Variants in TBC1D2 observed in about 807,000 individuals in gnomAD.
TBC1D2 encodes the protein TBC1 domain family member 2A.
TBC1D2 carries 58 observed loss-of-function variants against 91.1 expected under a neutral mutation model. The ratio of observed to expected loss-of-function variants is 0.64; its 90% CI spans 0.52 to 0.79. The LOEUF is 0.79. Among genes scored for constraint, TBC1D2 ranks in the 30% least tolerant of loss-of-function variants. The pLI is 0.00. For missense variants in TBC1D2, 1,080 were observed against 1,208.3 expected, an observed-to-expected ratio of 0.89 and a Z score of 1.57; for synonymous variants, 482 against 511.5, an observed-to-expected ratio of 0.94 and a Z score of 0.78.
intron 10 of TBC1D2, among the ~76,000 whole-genome samples, chr9:98,202,565 A>G (rs1828536114): frequency 6.6e-6 from 1 of 152,196 alleles, no homozygotes; most frequent in African/African-American, 2.4e-5. Context: ...CCATTGACCT[A>G]CTGAAGGATT....
intron 10 of TBC1D2, among the ~76,000 whole-genome samples, chr9:98,202,228 C>A (rs568364154): frequency 6.6e-6 from 1 of 152,168 alleles, no homozygotes; most frequent in Non-Finnish European, 1.5e-5. Context: ...GTGCTCCTGG[C>A]GACACTGGCC....
At chr9:98,231,659 T>C (rs547127337) in intron 4 of TBC1D2, among the ~76,000 whole-genome samples, 3 of 152,240 alleles carry the variant, frequency 2.0e-5, no homozygotes, top group Non-Finnish European at 4.4e-5. Context: ...ATGGTGGATT[T>C]ATCTGCTTTA....
intron 3 of TBC1D2, among the ~76,000 whole-genome samples, chr9:98,239,061 T>C (rs1829576046): frequency 6.6e-6 from 1 of 151,778 alleles, no homozygotes; most frequent in Admixed American, 6.6e-5. Flanking sequence ...ATTTATTTAT[T>C]TATTACTATT....
intron 3 of TBC1D2, among the ~76,000 whole-genome samples, chr9:98,242,276 C>T (rs1265102806): frequency 6.6e-6 from 1 of 151,824 alleles, no homozygotes; most frequent in Non-Finnish European, 1.5e-5. Context: ...CCCATCTCTA[C>T]TAAAAATACA....
Position 98,209,092 on chromosome 9 carries a change from G to C in TBC1D2, c.1726C>G (p.Leu576Val). ...LTVPDYEVED[L>V]KLLAKIQALE... ...GCCTGGATCTTGGCCAGCAGCTTCA[G>C]GTCTTCCACCTCATAGTCGGGCACC... Residue 576 changes from leucine (L) to valine (V), a missense_variant, in exon 9 of 13, where the codon CTG becomes GTG. By Grantham distance (32) the Leu-to-Val change is conservative. Transcript: ENST00000465784. 1 of 1,614,162 alleles carries C rather than the reference G, an allele frequency of 6.2e-7. No homozygotes were observed. The highest frequency in any genetic ancestry group is 8.5e-7 in the Non-Finnish European group (1 of 1,180,022).
chr9:98,230,052 T>TG (rs1829329318), intron 4 of TBC1D2, among the ~76,000 whole-genome samples: 1 of 152,228 alleles, frequency 6.6e-6, no homozygotes, highest in South Asian at 2.1e-4. Flanking sequence ...TGCCTTGTCC[T>TG]GCCCTGACCC....
At chr9:98,200,406 TG>T (rs747530577) in intron 11 of TBC1D2, 32 bp from the exon 12 acceptor site, 53 of 1,192,814 alleles carry the variant, frequency 4.4e-5, no homozygotes, top group East Asian at 1.2e-4. Flanking sequence ...AGGTAGGGCA[TG>T]GGGGGGCCAG....
At chr9:98,246,297 TG>T (rs907729703) in intron 2 of TBC1D2, among the ~76,000 whole-genome samples, 17 of 152,076 alleles carry the variant, frequency 1.1e-4, no homozygotes, top group African/African-American at 4.1e-4. Context: ...AAAAAGGGTG[TG>T]GGTATAAAAA....
At chr9:98,225,502 C>A (rs1829210660) in intron 5 of TBC1D2, among the ~76,000 whole-genome samples, 1 of 152,134 alleles carries the variant, frequency 6.6e-6, no homozygotes, top group African/African-American at 2.4e-5. Context: ...GGAGGCAGCC[C>A]AGCCTCTAGA....
rs1292654270 is a variant in TBC1D2, at chr9:98,232,555, C to A, written c.781+861G>T. Among the ~76,000 whole-genome samples, 3 of 152,036 alleles carry A rather than the reference C, an allele frequency of 2.0e-5. No homozygotes were observed. In the East Asian group the frequency reaches 5.8e-4, roughly 29 times the overall value. ...CTTGTCTTGAACTCCTGGGCTCAAG[C>A]AATCCTCCAGCCTTGGCCTCCCAAA... is the stretch of plus-strand genomic sequence containing the variant. On this transcript the variant is annotated intron_variant, in intron 4 of 12. Coordinates refer to ENST00000465784, the MANE Select transcript of TBC1D2 (RefSeq NM_001267571.2).
Position 98,228,974 on chromosome 9 carries a change from G to A in TBC1D2, c.956C>T (p.Thr319Ile). ...CACCTTCTGAGACTTTAACTCCTTG[G>A]TGAGCATCAGAACCTGTTGCTCCAA... Reference protein sequence around the residue: ...AALEQQVLMLTKELKSQKELV... With the variant: ...AALEQQVLMLIKELKSQKELV... Residue 319 changes from threonine to isoleucine, a missense_variant, in exon 5 of 13, where the codon ACC becomes ATC. By Grantham distance (89) the Thr-to-Ile change is moderately conservative. Coordinates refer to ENST00000465784, the MANE Select transcript of TBC1D2 (RefSeq NM_001267571.2). This position sits in a 1 kb window ranked among gnomAD's most constrained non-coding sequence, Gnocchi z 4.0. The A allele has an allele frequency of 6.2e-7, 1 of 1,613,968 alleles. No homozygotes were observed. Among genetic ancestry groups the A allele is most frequent in the Non-Finnish European group, 8.5e-7 (1 of 1,179,834 alleles).
rs950510880 is a variant in TBC1D2, at chr9:98,244,106, C to T, written c.535G>A (p.Glu179Lys). Residue 179 changes from glutamate to lysine, a missense_variant, in exon 3 of 13, where the codon GAG becomes AAG. Physicochemically the swap from Glu to Lys is moderately conservative, Grantham distance 56. Coordinates refer to ENST00000465784, the MANE Select transcript of TBC1D2 (RefSeq NM_001267571.2). ...ELGQEEAELEEFLCPVKTPPG... is the reference protein window; with the variant it reads ...ELGQEEAELEKFLCPVKTPPG... ...GGTGTTTTCACAGGGCACAGGAACTCCTCCAGCTCTGCCTCTTCTTGCCCT... is the reference window on the plus strand; with the variant it reads ...GGTGTTTTCACAGGGCACAGGAACTTCTCCAGCTCTGCCTCTTCTTGCCCT... 1 of 1,613,314 alleles carries T rather than the reference C, an allele frequency of 6.2e-7. No homozygotes were observed. Among genetic ancestry groups the T allele is most frequent in the Non-Finnish European group, 8.5e-7 (1 of 1,179,732 alleles).
At chr9:98,211,281 G>T (rs965413942) in intron 7 of TBC1D2, among the ~76,000 whole-genome samples, 1 of 152,204 alleles carries the variant, frequency 6.6e-6, no homozygotes. Flanking sequence ...TTCCCAGGGT[G>T]CCTGGCACAG....
chr9:98,246,118 T>G lies in TBC1D2; in HGVS notation c.512-1989A>C, dbSNP rs1829758733. Among the ~76,000 whole-genome samples, 3 of 152,086 alleles carry G rather than the reference T, an allele frequency of 2.0e-5. No individual in the cohort carries two copies. The South Asian group carries it at 6.2e-4, about 32-fold the overall frequency. ...GAGGTGAAATATTTAGAAATTAACTTTGAGTGTTAGAAAAAGGAGAAAAGA... is the reference window on the plus strand; with the variant it reads ...GAGGTGAAATATTTAGAAATTAACTGTGAGTGTTAGAAAAAGGAGAAAAGA... On this transcript the variant is annotated intron_variant, in intron 2 of 12. Coordinates refer to ENST00000465784, the MANE Select transcript of TBC1D2 (RefSeq NM_001267571.2).
rs36035887 is a variant in TBC1D2 at position 98,242,803 on chromosome 9, CTTTTT to C, written c.647+1186_647+1190del. Reference sequence around the variant, plus strand: ...TCCAAAGCCCAGGCCACACTGCTGCCTTTTTTTTTTTTTTTTTTTTTTTTTTTGAG... The same window carrying C: ...TCCAAAGCCCAGGCCACACTGCTGCCTTTTTTTTTTTTTTTTTTTTTTGAG... On this transcript the variant is annotated intron_variant, in intron 3 of 12. Coordinates refer to ENST00000465784, the MANE Select transcript of TBC1D2 (RefSeq NM_001267571.2). Among the ~76,000 whole-genome samples, 253 of 83,148 alleles carry C rather than the reference CTTTTT, an allele frequency of 3.0e-3. 2 individuals are homozygous for C. The highest frequency in any genetic ancestry group is 6.2e-3 in the African/African-American group (119 of 19,046). 54.5% of individuals were successfully genotyped at this position (83,148 alleles called of 152,430 possible). A position where few individuals can be genotyped will look rare whatever the true frequency, so the allele number is the denominator to read the frequency against.
At position 98,220,872 on chromosome 9, in the gene TBC1D2, C is replaced by T. The variant is rs760002017; in HGVS notation, c.1335G>A (p.Arg445=). 1.1e-5 allele frequency: 18 copies of T among 1,614,138 alleles called. No individual in the cohort carries two copies. The highest frequency in any genetic ancestry group is 2.2e-5 in the South Asian group (2 of 91,086). ...TCTTCCCCTGCTGGCTCAGGAAGTCCCTGTTGGCAGCGTCGGGGCGCAAAG... is the reference window on the plus strand; with the variant it reads ...TCTTCCCCTGCTGGCTCAGGAAGTCTCTGTTGGCAGCGTCGGGGCGCAAAG... ...QSPLRPDAAN[R]DFLSQQGKIE... is the part of the protein sequence containing the mutation. The change falls in exon 6 of 13, where the codon AGG becomes AGA. Residue 445 remains arginine (R), a synonymous_variant. Coordinates refer to ENST00000465784, the MANE Select transcript of TBC1D2 (RefSeq NM_001267571.2).
At position 98,220,676 on chromosome 9, in the gene TBC1D2, A is replaced by G. The variant is rs188765644; in HGVS notation, c.1374+157T>C. ...TAAAGAAAGTGAAGAAGCGTAGAGC[A>G]ATATTCCCATCAACATGTGTTTCTA... On this transcript the variant is annotated intron_variant, in intron 6 of 12. Coordinates refer to ENST00000465784, the MANE Select transcript of TBC1D2 (RefSeq NM_001267571.2). Among the ~76,000 whole-genome samples, 559 of 152,316 alleles carry G rather than the reference A, an allele frequency of 3.7e-3. 5 individuals carry two copies. The highest frequency in any genetic ancestry group is 0.012 in the African/African-American group (518 of 41,570).
At chr9:98,253,103 G>A (rs1014726576) in intron 1 of TBC1D2, among the ~76,000 whole-genome samples, 3 of 152,136 alleles carry the variant, frequency 2.0e-5, no homozygotes, top group African/African-American at 7.2e-5. Context: ...TTTGACAAGG[G>A]TATACTGAGC....
chr9:98,212,477 C>T (rs1828870198), intron 7 of TBC1D2, among the ~76,000 whole-genome samples: 1 of 151,642 alleles, frequency 6.6e-6, no homozygotes, highest in African/African-American at 2.4e-5. Flanking sequence ...CCCTTTGGGC[C>T]CCCAAGAATC....
Sources: gnomAD v4.1 joint callset for allele counts (sites outside exome capture counted in the v4.1 genomes callset) on GRCh38, gnomAD v4.1.1 for gene constraint, Gnocchi (gnomAD v3.1) non-coding constraint, MANE v1.5 for transcripts, NCBI Gene and HGNC (gene_info 2026-07-23, HGNC 2026-07-21) for gene names.